OLA1: variants seen among roughly 807,000 people sequenced by gnomAD.
OLA1 encodes the protein obg-like ATPase 1.
A neutral mutation model predicts 48.4 loss-of-function variants in OLA1; 14 were observed. That is an observed-to-expected ratio of 0.29 (90% confidence interval 0.19 to 0.45). The LOEUF (loss-of-function observed/expected upper bound fraction) is 0.45, where lower values mean the gene tolerates loss of function less well. Ranked by LOEUF, OLA1 falls within the 20% of genes least tolerant of loss-of-function variation. The pLI, the probability that OLA1 is intolerant of heterozygous loss-of-function variation, is 1.00. For missense variants in OLA1, 325 were observed against 467.1 expected, an observed-to-expected ratio of 0.70 and a Z score of 2.80; for synonymous variants, 127 against 150.4, an observed-to-expected ratio of 0.84 and a Z score of 1.14.
chr2:174,102,054 G>A (rs941815414), intron 7 of OLA1, among the ~76,000 whole-genome samples: 1 of 152,090 alleles, frequency 6.6e-6, no homozygotes, highest in Non-Finnish European at 1.5e-5. Flanking sequence ...TGACAATCAG[G>A]AATAATGAAA....
chr2:174,101,380 CA>C (rs1685394484), intron 7 of OLA1, among the ~76,000 whole-genome samples: 1 of 152,132 alleles, frequency 6.6e-6, no homozygotes, highest in African/African-American at 2.4e-5. Flanking sequence ...TGTTCATTTG[CA>C]GAAAATTTAA....
Position 174,077,206 on chromosome 2 carries a change from T to C in OLA1, c.1090-1679A>G, listed in dbSNP as rs563410808. Reference sequence around the variant, plus strand: ...GAAGCCAGCTTTGCCTAAGCAGATATGATTGCTAATAATGTGATATCCCTG... The same window carrying C: ...GAAGCCAGCTTTGCCTAAGCAGATACGATTGCTAATAATGTGATATCCCTG... On this transcript the variant is annotated intron_variant, in intron 10 of 10. Transcript: ENST00000284719. 3.9e-5 allele frequency among the ~76,000 whole-genome samples: 6 copies of C among 152,334 alleles called. No homozygotes were observed. The East Asian group carries it at 5.8e-4, about 15-fold the overall frequency.
At chr2:174,216,464 T>C (rs569636775) in intron 4 of OLA1, among the ~76,000 whole-genome samples, 4 of 152,168 alleles carry the variant, frequency 2.6e-5, no homozygotes, top group African/African-American at 9.7e-5. Flanking sequence ...GGTCTGCACC[T>C]GGGGTTACTG....
intron 4 of OLA1, among the ~76,000 whole-genome samples, chr2:174,192,361 C>T (rs1395676155): frequency 3.9e-5 from 6 of 152,058 alleles, no homozygotes; most frequent in East Asian, 1.9e-4. Flanking sequence ...TTCCTTTGAG[C>T]GTCATGTCAG....
chr2:174,081,261 G>C lies in OLA1; in HGVS notation c.870-13C>G, dbSNP rs752652555. 6.3e-7 allele frequency: 1 copy of C among 1,599,838 alleles called. No individual in the cohort carries two copies. The highest frequency in any genetic ancestry group is 1.1e-5 in the South Asian group (1 of 90,660). ...CTTTGGCAAAGCACTGAAATCAAAT[G>C]AAACAAATTCACCCAACACATAAGT... On this transcript the variant is annotated splice_polypyrimidine_tract_variant and intron_variant, in intron 8 of 10. Coordinates refer to ENST00000284719, the MANE Select transcript of OLA1 (RefSeq NM_013341.5).
chr2:174,245,489 C>T (rs555924502), intron 2 of OLA1, among the ~76,000 whole-genome samples: 157 of 152,348 alleles, frequency 1.0e-3, no homozygotes, highest in Admixed American at 3.7e-3. Flanking sequence ...TCTAAAAGGC[C>T]ACCCTTGATC....
rs76471043 is a variant in OLA1, at chr2:174,114,341, C to CAAAAAA, written c.728+8833_728+8838dup. ...TGGGCGACAGAGCAAGACTCCGCCT[C>CAAAAAA]AAAAAAAAAAAAAAAAAAAAAAAAA... On this transcript the variant is annotated intron_variant, in intron 7 of 10. Coordinates refer to ENST00000284719, the MANE Select transcript of OLA1 (RefSeq NM_013341.5). Among the ~76,000 whole-genome samples, 227 of 60,640 alleles carry CAAAAAA rather than the reference C, an allele frequency of 3.7e-3. 17 individuals are homozygous for CAAAAAA. In the East Asian group the frequency reaches 0.046, roughly 12 times the overall value. The allele number at this position is 60,640 out of a possible 152,430, so 39.8% of individuals were successfully genotyped here.
chr2:174,110,302 A>ATTTTT (rs575026912), intron 7 of OLA1, among the ~76,000 whole-genome samples: 11 of 113,892 alleles, frequency 9.7e-5, no homozygotes, highest in South Asian at 8.5e-4. Context: ...CCATGCTTGG[A>ATTTTT]TTTTTTTTTT....
At chr2:174,167,546 A>C (rs919938724) in intron 4 of OLA1, among the ~76,000 whole-genome samples, 1 of 152,256 alleles carries the variant, frequency 6.6e-6, no homozygotes, top group Non-Finnish European at 1.5e-5. Flanking sequence ...ATTGCACTCC[A>C]GCCTGGGCAA....
chr2:174,208,750 C>T (rs1688171222), intron 4 of OLA1, among the ~76,000 whole-genome samples: 1 of 152,188 alleles, frequency 6.6e-6, no homozygotes, highest in Middle Eastern at 3.2e-3. Flanking sequence ...GTACTCCCTC[C>T]TCCATGCATA....
intron 4 of OLA1, among the ~76,000 whole-genome samples, chr2:174,207,133 G>C (rs756378011): frequency 1.3e-5 from 2 of 152,150 alleles, no homozygotes. Flanking sequence ...CCTAAGTTGG[G>C]GGGGAGCAAT....
chr2:174,081,772 CT>C lies in OLA1; in HGVS notation c.869+151del. On this transcript the variant is annotated intron_variant, in intron 8 of 10. Coordinates refer to ENST00000284719, the MANE Select transcript of OLA1 (RefSeq NM_013341.5). ...GTTAAAAACTTAATTTAAAATAAAT[CT>C]TTTCACTCTGTCTCATGGTAAAGAA... 4.1e-6 allele frequency: 3 copies of C among 730,398 alleles called. No individual in the cohort carries two copies. In the South Asian group the frequency reaches 5.8e-5, roughly 14 times the overall value. 45.2% of individuals were successfully genotyped at this position (730,398 alleles called of 1,614,324 possible). A position where few individuals can be genotyped will look rare whatever the true frequency, so the allele number is the denominator to read the frequency against.
rs1688543884 is a variant in OLA1 at position 174,223,139 on chromosome 2, A to G, written c.267T>C (p.Asn89=). 6.2e-7 allele frequency: 1 copy of G among 1,613,830 alleles called. No homozygotes were observed. Among genetic ancestry groups the G allele is most frequent in the African/African-American group, 1.3e-5 (1 of 74,920 alleles). ...TCACAAGGCCAGCAATATCCACCACATTTAGAAAGGCAGGAATTTTGCTGA... is the reference window on the plus strand; with the variant it reads ...TCACAAGGCCAGCAATATCCACCACGTTTAGAAAGGCAGGAATTTTGCTGA... The part of the protein sequence containing the change: ...KPASKIPAFL[N]VVDIAGLVKG... Residue 89 remains asparagine, a synonymous_variant, in exon 4 of 11, where the codon AAT becomes AAC. Transcript: ENST00000284719.
chr2:174,102,900 T>C (rs569077046), intron 7 of OLA1, among the ~76,000 whole-genome samples: 2 of 152,188 alleles, frequency 1.3e-5, no homozygotes, highest in Non-Finnish European at 2.9e-5. Flanking sequence ...AGCTATACTT[T>C]TCAAATGATA....
rs115078065 is a variant in OLA1 at position 174,139,037 on chromosome 2, A to G, written c.549+2788T>C. 8.3e-3 allele frequency among the ~76,000 whole-genome samples: 1,263 copies of G among 152,274 alleles called. 18 individuals are homozygous for G. Among genetic ancestry groups the G allele is most frequent in the African/African-American group, 0.029 (1,199 of 41,550 alleles). On this transcript the variant is annotated intron_variant, in intron 5 of 10. Transcript: ENST00000284719. ...CATTTTTCAAATTTCATTTTTCCAA[A>G]TGGGATGTACATACACTTAAATAGA...
At chr2:174,141,135 T>G (rs1686437284) in intron 5 of OLA1, among the ~76,000 whole-genome samples, 1 of 152,204 alleles carries the variant, frequency 6.6e-6, no homozygotes, top group South Asian at 2.1e-4. Context: ...TTTCGCCATG[T>G]TGGCTAGGCT....
intron 7 of OLA1, among the ~76,000 whole-genome samples, chr2:174,122,830 T>G (rs1215244358): frequency 6.6e-6 from 1 of 151,562 alleles, no homozygotes; most frequent in Middle Eastern, 3.2e-3. Context: ...ACTTATAATA[T>G]CAACACAGCT....
At chr2:174,156,578 CTTTTTTTTTT>C (rs5836451) in intron 4 of OLA1, among the ~76,000 whole-genome samples, 1 of 74,188 alleles carries the variant, frequency 1.3e-5, no homozygotes, top group African/African-American at 4.9e-5. Context: ...CTCCCACACT[CTTTTTTTTTT>C]TTTTTTTTTT....
chr2:174,207,222 C>T (rs1294442249), intron 4 of OLA1, among the ~76,000 whole-genome samples: 1 of 152,124 alleles, frequency 6.6e-6, no homozygotes, highest in African/African-American at 2.4e-5. Context: ...TCCATATAAA[C>T]TAAAAAGGCA....
Sources: allele counts gnomAD v4.1 joint callset (sites outside exome capture counted in the v4.1 genomes callset), GRCh38; gene constraint gnomAD v4.1.1; transcripts MANE v1.5; gene names NCBI Gene and HGNC (gene_info 2026-07-23, HGNC 2026-07-21).